CRX: variants seen among roughly 807,000 people sequenced by gnomAD.
The protein encoded by CRX is cone-rod homeobox.
In CRX, 5 loss-of-function variants were observed where a neutral mutation model predicts 13.1. The observed-to-expected ratio is 0.38, with a 90% CI of 0.20 to 0.80. CRX has a LOEUF of 0.80. Ranked by LOEUF, CRX falls within the 30% of genes least tolerant of loss-of-function variation. The pLI, the probability that CRX is intolerant of heterozygous loss-of-function variation, is 0.43. For missense variants in CRX, 351 were observed against 391.8 expected (o/e 0.90, Z 0.88); for synonymous variants, 179 against 171.1 (o/e 1.05, Z -0.36).
chr19:47,822,537 G>A (rs1023601691), intron 1 of CRX, among the ~76,000 whole-genome samples: 24 of 152,156 alleles, frequency 1.6e-4, no homozygotes, highest in African/African-American at 3.6e-4. Context: ...GACAAGGGAC[G>A]GAACAGACAT....
At chr19:47,825,363 C>T (rs912679130) in intron 1 of CRX, among the ~76,000 whole-genome samples, 28 of 152,124 alleles carry the variant, frequency 1.8e-4, no homozygotes, top group African/African-American at 5.8e-4. Flanking sequence ...TGGGCTCAAG[C>T]GATCTTCCCA....
chr19:47,837,446 C>T (rs542572855), intron 3 of CRX, among the ~76,000 whole-genome samples: 1 of 152,294 alleles, frequency 6.6e-6, no homozygotes, highest in African/African-American at 2.4e-5. Context: ...GGATTACAGG[C>T]GTGAGCCACC....
At chr19:47,836,816 T>C (rs1968122848) in intron 3 of CRX, among the ~76,000 whole-genome samples, 1 of 152,206 alleles carries the variant, frequency 6.6e-6, no homozygotes, top group Admixed American at 6.5e-5. Context: ...CTCTCCCAAC[T>C]AGAATGTCAA....
intron 1 of CRX, among the ~76,000 whole-genome samples, chr19:47,827,519 C>G (rs7246332): frequency 2.2e-3 from 276 of 125,880 alleles, no homozygotes; most frequent in African/African-American, 7.3e-3. Context: ...CCTGGGAGTT[C>G]TTGAAACTTT....
chr19:47,833,148 G>A (rs11880357), intron 1 of CRX, among the ~76,000 whole-genome samples: 76,835 of 150,274 alleles, frequency 0.51, 20,148 homozygotes, highest in Middle Eastern at 0.64. Flanking sequence ...ATGTTGCCTA[G>A]GCTGGTTTTG....
chr19:47,828,612 A>T (rs866106085), intron 1 of CRX, among the ~76,000 whole-genome samples: 1 of 149,508 alleles, frequency 6.7e-6, no homozygotes, highest in Non-Finnish European at 1.5e-5. Flanking sequence ...GGAGGTAGGG[A>T]GCGTGTGTGT....
chr19:47,830,326 A>G (rs569972206), intron 1 of CRX, among the ~76,000 whole-genome samples: 2 of 151,992 alleles, frequency 1.3e-5, no homozygotes, highest in East Asian at 3.9e-4. Context: ...ACCCCAAAAA[A>G]CAAATCTGAT....
At chr19:47,837,531 T>A (rs1968132277) in intron 3 of CRX, among the ~76,000 whole-genome samples, 1 of 152,202 alleles carries the variant, frequency 6.6e-6, no homozygotes, top group Non-Finnish European at 1.5e-5. Flanking sequence ...ATAAATAAAA[T>A]GTGTGTGTTA....
Position 47,842,262 on chromosome 19 carries a change from G to A in CRX, c.*2295G>A, listed in dbSNP as rs1478451518. 2 of 152,438 alleles carry A rather than the reference G, an allele frequency of 1.3e-5. No homozygotes were observed. The highest frequency in any genetic ancestry group is 2.1e-4 in the South Asian group (1 of 4,834). The allele number at this position is 152,438 out of a possible 1,614,324, so 9.4% of individuals were successfully genotyped here. A position where few individuals can be genotyped will look rare whatever the true frequency, so the allele number is the denominator to read the frequency against. On this transcript the variant is annotated 3_prime_UTR_variant, in exon 4 of 4. Coordinates refer to ENST00000221996, the MANE Select transcript of CRX (RefSeq NM_000554.6). ...AAACGTGTTCATCTCTCATAGGCCT[G>A]AGTCATGCTGGGTTCTGGGACATTA...
chr19:47,830,759 G>A (rs1240872720), intron 1 of CRX, among the ~76,000 whole-genome samples: 2 of 149,898 alleles, frequency 1.3e-5, no homozygotes, highest in Non-Finnish European at 3.0e-5. Flanking sequence ...TTGTGCCACT[G>A]CACTCCAGCC....
At chr19:47,836,173 C>T in intron 2 of CRX, 70 bp from the exon 3 acceptor site, 1 of 1,594,506 alleles carries the variant, frequency 6.3e-7, no homozygotes, top group Non-Finnish European at 8.6e-7. Context: ...CTTGGCATCC[C>T]ACCCAGCCTC....
chr19:47,837,800 TATC>T (rs1467982223), intron 3 of CRX, among the ~76,000 whole-genome samples: 1 of 152,104 alleles, frequency 6.6e-6, no homozygotes, highest in East Asian at 1.9e-4. Flanking sequence ...CAATTGTATG[TATC>T]ATCAGATGGA....
intron 3 of CRX, among the ~76,000 whole-genome samples, chr19:47,837,252 C>T (rs915768754): frequency 5.9e-5 from 9 of 152,092 alleles, no homozygotes; most frequent in Non-Finnish European, 1.2e-4. Flanking sequence ...CTGCAACCTC[C>T]GCCTCCTGGG....
chr19:47,833,374 C>T (rs571311342), intron 1 of CRX, among the ~76,000 whole-genome samples: 4 of 151,732 alleles, frequency 2.6e-5, no homozygotes, highest in African/African-American at 2.4e-5. Context: ...CTCTGCCTCC[C>T]GGGTTCCAGT....
rs919196260 is a variant in CRX, at chr19:47,841,985, G to A, written c.*2018G>A. On this transcript the variant is annotated 3_prime_UTR_variant, in exon 4 of 4. Transcript: ENST00000221996. ...TCCGTGGTGTAAATACTCCCACCAC[G>A]GCTGACTTCAAGCTAGCAACCGGAG... 2 of 152,188 alleles carry A rather than the reference G, an allele frequency of 1.3e-5. No individual in the cohort carries two copies. Among genetic ancestry groups the A allele is most frequent in the African/African-American group, 4.8e-5 (2 of 41,436 alleles). 9.4% of individuals were successfully genotyped at this position (152,188 alleles called of 1,614,324 possible).
intron 1 of CRX, among the ~76,000 whole-genome samples, chr19:47,832,485 C>G (rs1968064305): frequency 6.6e-6 from 1 of 151,486 alleles, no homozygotes; most frequent in Non-Finnish European, 1.5e-5. Context: ...ATGCTATTTT[C>G]TTTTTCTTTT....
At chr19:47,836,447 G>C (rs1968119215) in intron 3 of CRX, 53 bp downstream of exon 3, 1 of 1,611,602 alleles carries the variant, frequency 6.2e-7, no homozygotes. Flanking sequence ...ATCTCAGGAG[G>C]CCTGCCCGGA....
At chr19:47,832,123 T>TTTTTTTTTTTTTTTA (rs1968056947) in intron 1 of CRX, among the ~76,000 whole-genome samples, 3 of 137,706 alleles carry the variant, frequency 2.2e-5, no homozygotes, top group Admixed American at 7.2e-5. Context: ...TTTTTTTTTT[T>TTTTTTTTTTTTTTTA]GAGACGGAGT....
intron 3 of CRX, among the ~76,000 whole-genome samples, chr19:47,838,613 A>G (rs901281489): frequency 6.6e-6 from 1 of 152,090 alleles, no homozygotes; most frequent in African/African-American, 2.4e-5. Flanking sequence ...GAATGTATGT[A>G]TGATGTATAT....
Sources: allele counts gnomAD v4.1 joint callset (sites outside exome capture counted in the v4.1 genomes callset), GRCh38; gene constraint gnomAD v4.1.1; transcripts MANE v1.5; gene names NCBI Gene and HGNC (gene_info 2026-07-23, HGNC 2026-07-21).